Variants in ZNF487 observed in about 807,000 individuals in gnomAD.
ZNF487 encodes the protein zinc finger protein 487.
A neutral mutation model predicts 3.0 loss-of-function variants in ZNF487; 4 were observed. That is an observed-to-expected ratio of 1.35 (90% CI 0.66 to 3.08). The LOEUF (loss-of-function observed/expected upper bound fraction) is 3.08, where lower values mean the gene tolerates loss of function less well. Ranked by LOEUF, ZNF487 falls within the 30% of genes most tolerant of loss-of-function variation. The pLI, the probability that ZNF487 is intolerant of heterozygous loss-of-function variation, is 0.01. For synonymous variants in ZNF487, 55 were observed against 34.6 expected (o/e 1.59, Z -2.06); for missense variants, 146 against 98.7 (o/e 1.48, Z -2.03).
At chr10:43,465,730 C>T (rs1489504518) in intron 1 of ZNF487, among the ~76,000 whole-genome samples, 1 of 151,924 alleles carries the variant, frequency 6.6e-6, no homozygotes, top group African/African-American at 2.4e-5. Context: ...AGGGGCTCCT[C>T]ACATCCCAGA....
intron 1 of ZNF487, among the ~76,000 whole-genome samples, chr10:43,443,393 A>T: frequency 7.8e-6 from 1 of 128,138 alleles, no homozygotes. Flanking sequence ...TTTTTTTTTG[A>T]GATGGAGTCT....
At chr10:43,515,334 C>G in the ZNF487 span, among the ~76,000 whole-genome samples, 2 of 152,284 alleles carry the variant, frequency 1.3e-5, no homozygotes, top group African/African-American at 4.8e-5. Flanking sequence ...TCAACATTAT[C>G]TTGCCTGGCA....
At chr10:43,465,138 G>A (rs1477906397) in intron 1 of ZNF487, among the ~76,000 whole-genome samples, 1 of 122,280 alleles carries the variant, frequency 8.2e-6, no homozygotes, top group African/African-American at 3.0e-5. Flanking sequence ...GGCCGGGCGG[G>A]GGGCTGACCC....
intron 3 of ZNF487, among the ~76,000 whole-genome samples, chr10:43,480,727 T>G (rs1360021042): frequency 6.7e-6 from 1 of 149,604 alleles, no homozygotes; most frequent in African/African-American, 2.5e-5. Context: ...TCTCTCTCTC[T>G]CTTTTTTTTT....
intron 1 of ZNF487, among the ~76,000 whole-genome samples, chr10:43,475,020 C>T (rs1251596718): frequency 3.9e-5 from 6 of 152,106 alleles, no homozygotes. Context: ...GCAAACTTCC[C>T]CTGCCTCCAC....
intron 1 of ZNF487, among the ~76,000 whole-genome samples, chr10:43,441,550 AGCCACCGC>A (rs1219333008): frequency 6.6e-6 from 1 of 151,576 alleles, no homozygotes; most frequent in Non-Finnish European, 1.5e-5. Context: ...TACAGGCATG[AGCCACCGC>A]GCCTGGCCAA....
At chr10:43,444,277 G>A (rs1839724565) in intron 1 of ZNF487, among the ~76,000 whole-genome samples, 1 of 152,136 alleles carries the variant, frequency 6.6e-6, no homozygotes, top group African/African-American at 2.4e-5. Context: ...GTAACATCTA[G>A]TCTGGGATAT....
downstream of ZNF487, among the ~76,000 whole-genome samples, chr10:43,486,800 C>T (rs574743182): frequency 3.3e-5 from 5 of 152,122 alleles, no homozygotes; most frequent in Non-Finnish European, 5.9e-5. Flanking sequence ...CCTCTTTCAG[C>T]TTATGACAGA....
chr10:43,445,637 C>CTT (rs372625933), intron 1 of ZNF487, among the ~76,000 whole-genome samples: 5,043 of 135,034 alleles, frequency 0.037, 201 homozygotes, highest in African/African-American at 0.1. Context: ...ATGACATTTT[C>CTT]TTTTTTTTTT....
At chr10:43,447,250 A>ATTTTTTTTTCTTTTCT (rs138276004) in intron 1 of ZNF487, among the ~76,000 whole-genome samples, 15 of 149,286 alleles carry the variant, frequency 1.0e-4, no homozygotes, top group African/African-American at 2.7e-4. Context: ...GGAGAACAAC[A>ATTTTTTTTTCTTTTCT]TTTTTTTTTT....
intron 1 of ZNF487, among the ~76,000 whole-genome samples, chr10:43,454,852 T>A (rs1241424219): frequency 6.8e-6 from 1 of 147,236 alleles, no homozygotes; most frequent in Non-Finnish European, 1.5e-5. Context: ...AGTCTTCACG[T>A]ACACATTGCT....
chr10:43,447,604 G>A (rs1443649843), intron 1 of ZNF487, among the ~76,000 whole-genome samples: 2 of 152,196 alleles, frequency 1.3e-5, no homozygotes, highest in African/African-American at 4.8e-5. Context: ...CCCTGTGTGA[G>A]CACTGGGCAC....
At chr10:43,522,711 G>T in the ZNF487 span, among the ~76,000 whole-genome samples, 1 of 152,026 alleles carries the variant, frequency 6.6e-6, no homozygotes, top group African/African-American at 2.4e-5. Context: ...TCCAGCCTGG[G>T]CAAAGAGCTA....
intron 1 of ZNF487, among the ~76,000 whole-genome samples, chr10:43,456,611 C>A (rs1403347642): frequency 1.3e-5 from 2 of 152,102 alleles, no homozygotes; most frequent in African/African-American, 4.8e-5. Context: ...GATGGAGTGT[C>A]GCTCTGTCGC....
At chr10:43,442,057 A>G (rs1839631155) in intron 1 of ZNF487, among the ~76,000 whole-genome samples, 1 of 152,110 alleles carries the variant, frequency 6.6e-6, no homozygotes. Context: ...CCCTGTCTGT[A>G]CGAAAAAAAA....
intron 3 of ZNF487, among the ~76,000 whole-genome samples, chr10:43,479,285 G>T (rs1045571199): frequency 2.0e-5 from 3 of 151,806 alleles, no homozygotes; most frequent in Admixed American, 1.3e-4. Flanking sequence ...TTAATTGAAT[G>T]AAACTCATTC....
chr10:43,513,059 C>T, the ZNF487 span, among the ~76,000 whole-genome samples: 1 of 152,230 alleles, frequency 6.6e-6, no homozygotes, highest in Non-Finnish European at 1.5e-5. Flanking sequence ...GTGTTTGCTA[C>T]TTCTTGCTCA....
intron 1 of ZNF487, among the ~76,000 whole-genome samples, chr10:43,457,385 G>A (rs1425845795): frequency 5.3e-5 from 8 of 150,326 alleles, no homozygotes; most frequent in East Asian, 2.0e-4. Flanking sequence ...GTGAAACCCC[G>A]TCTCTACTAA....
At chr10:43,477,139 G>A (rs1841127806) in intron 3 of ZNF487, among the ~76,000 whole-genome samples, 2 of 151,176 alleles carry the variant, frequency 1.3e-5, no homozygotes, top group African/African-American at 4.9e-5. Flanking sequence ...ATGTGAATCA[G>A]TTACCAGTTG....
Sources: gnomAD v4.1 joint callset for allele counts (sites outside exome capture counted in the v4.1 genomes callset) on GRCh38, gnomAD v4.1.1 for gene constraint, MANE v1.5 for transcripts, NCBI Gene and HGNC (gene_info 2026-07-23, HGNC 2026-07-21) for gene names.